The following THADA variants were observed in gnomAD, a reference collection of about 807,000 sequenced individuals.
THADA encodes THADA armadillo repeat containing.
Under a neutral mutation model 219.8 loss-of-function variants are expected in THADA, and 213 were observed. That is an observed-to-expected ratio of 0.97 (90% CI 0.87 to 1.09). The LOEUF (loss-of-function observed/expected upper bound fraction) is 1.09. Ranked by LOEUF, THADA falls within the 50% of genes least tolerant of loss-of-function variation. The pLI is 0.00. For missense variants in THADA, 2,956 were observed against 2,311.3 expected (o/e 1.28, Z -5.72); for synonymous variants, 1,018 against 828.9 (o/e 1.23, Z -3.92).
At chr2:43,442,896 G>A (rs1264369273) in intron 26 of THADA, among the ~76,000 whole-genome samples, 15 of 151,966 alleles carry the variant, frequency 9.9e-5, no homozygotes, top group African/African-American at 1.5e-4. Context: ...TCCACTCTCC[G>A]CCTCTGCTGC....
chr2:43,253,601 G>A (rs896710303), intron 36 of THADA, among the ~76,000 whole-genome samples: 9 of 152,068 alleles, frequency 5.9e-5, no homozygotes, highest in African/African-American at 1.9e-4. Flanking sequence ...TTTTCTTGAT[G>A]GGTCTTCGTT....
Position 43,397,954 on chromosome 2 carries a change from A to G in THADA, c.4227+17T>C. ...TTATGGTGTTTGACAGAAGTCACAC[A>G]AAGCAACTTTACTTACCTGGAGAAG... On this transcript the variant is annotated intron_variant, in intron 29 of 37. Transcript: ENST00000405975. The G allele has an allele frequency of 6.2e-7, 1 of 1,613,526 alleles. No homozygotes were observed. Among genetic ancestry groups the G allele is most frequent in the Non-Finnish European group, 8.5e-7 (1 of 1,179,542 alleles).
chr2:43,551,237 C>T (rs566197337), intron 19 of THADA, among the ~76,000 whole-genome samples: 62 of 152,196 alleles, frequency 4.1e-4, no homozygotes, highest in Non-Finnish European at 6.9e-4. Flanking sequence ...CAACACCAAA[C>T]ATAAATATAT....
intron 23 of THADA, 118 bp downstream of exon 23, chr2:43,508,530 T>A (rs886834123): frequency 3.9e-6 from 4 of 1,014,598 alleles, no homozygotes; most frequent in Non-Finnish European, 4.1e-6. Context: ...GCTATGGTGC[T>A]GAAAAGACAG....
At chr2:43,386,802 C>T (rs1433527572) in intron 29 of THADA, among the ~76,000 whole-genome samples, 1 of 149,520 alleles carries the variant, frequency 6.7e-6, no homozygotes, top group East Asian at 2.0e-4. Flanking sequence ...GAGGCTGAGG[C>T]AGGAGAATTT....
At chr2:43,489,550 T>C (rs1355691435) in intron 25 of THADA, among the ~76,000 whole-genome samples, 1 of 152,158 alleles carries the variant, frequency 6.6e-6, no homozygotes, top group Non-Finnish European at 1.5e-5. Context: ...TTTTGAGTCA[T>C]CTGAATATGG....
intron 29 of THADA, among the ~76,000 whole-genome samples, chr2:43,391,498 T>C (rs974016408): frequency 6.6e-6 from 1 of 152,230 alleles, no homozygotes; most frequent in Non-Finnish European, 1.5e-5. Flanking sequence ...GATTAATTCA[T>C]CTTCAAAAGT....
intron 1 of THADA, chr2:43,595,711 G>A (rs904614828): frequency 6.6e-6 from 1 of 152,372 alleles, no homozygotes. Flanking sequence ...ACATTCTCTG[G>A]GCGATTTCTG....
At chr2:43,258,321 G>A (rs1167638158) in intron 36 of THADA, among the ~76,000 whole-genome samples, 2 of 152,132 alleles carry the variant, frequency 1.3e-5, no homozygotes, top group Non-Finnish European at 2.9e-5. Context: ...TTGGGAGTTT[G>A]AGACCAGCCT....
intron 1 of THADA, among the ~76,000 whole-genome samples, chr2:43,595,344 G>C (rs1028598405): frequency 6.6e-6 from 1 of 152,096 alleles, no homozygotes; most frequent in African/African-American, 2.4e-5. Flanking sequence ...ATTTGTAAAG[G>C]GATAGTCAGA....
intron 26 of THADA, among the ~76,000 whole-genome samples, chr2:43,444,480 G>T (rs550779014): frequency 2.0e-5 from 3 of 152,122 alleles, no homozygotes; most frequent in African/African-American, 7.2e-5. Flanking sequence ...AATGCCAAGG[G>T]TCTAGTTCTT....
At chr2:43,382,167 C>T (rs767979646) in intron 29 of THADA, among the ~76,000 whole-genome samples, 6 of 152,056 alleles carry the variant, frequency 3.9e-5, no homozygotes, top group Non-Finnish European at 5.9e-5. Flanking sequence ...ATGTGGTAAC[C>T]TGGATGGGAT....
chr2:43,589,227 G>A (rs1701303092), intron 4 of THADA, among the ~76,000 whole-genome samples: 1 of 152,084 alleles, frequency 6.6e-6, no homozygotes, highest in Admixed American at 6.5e-5. Context: ...CAACCCAAAT[G>A]TCCATTGAAA....
chr2:43,396,607 C>G (rs999604528), intron 29 of THADA, among the ~76,000 whole-genome samples: 1 of 152,086 alleles, frequency 6.6e-6, no homozygotes, highest in Non-Finnish European at 1.5e-5. Flanking sequence ...TCGAGACCAG[C>G]TTGGCCAACA....
intron 16 of THADA, among the ~76,000 whole-genome samples, chr2:43,557,048 G>A (rs573804919): frequency 6.6e-6 from 1 of 152,162 alleles, no homozygotes; most frequent in Admixed American, 6.6e-5. Flanking sequence ...GCACCACTGT[G>A]CTCCAGCCTA....
At chr2:43,430,387 A>AG (rs1281755671) in intron 26 of THADA, 85 bp from the exon 27 acceptor site, 2 of 696,124 alleles carry the variant, frequency 2.9e-6, no homozygotes, top group African/African-American at 1.8e-5. Context: ...AAGGAAGATA[A>AG]GTACGGTTGT....
rs180696750 is a variant in THADA, at chr2:43,326,060, A to G, written c.4344-5520T>C. Among the ~76,000 whole-genome samples the G allele has an allele frequency of 2.0e-5, 3 of 152,256 alleles. No individual in the cohort carries two copies. In the East Asian group the frequency reaches 5.8e-4, roughly 29 times the overall value. ...GCAATTTATATCTTACGCAGCTACT[A>G]AAATTTCCGACTGTGCATGATTTCA... On this transcript the variant is annotated intron_variant, in intron 30 of 37. Coordinates refer to ENST00000405975, the MANE Select transcript of THADA (RefSeq NM_022065.5).
intron 29 of THADA, among the ~76,000 whole-genome samples, chr2:43,362,708 A>G (rs1374422542): frequency 6.6e-6 from 1 of 152,150 alleles, no homozygotes; most frequent in Non-Finnish European, 1.5e-5. Context: ...TTCTTCAATA[A>G]TACATTAACC....
intron 20 of THADA, among the ~76,000 whole-genome samples, chr2:43,543,661 C>A (rs1018663737): frequency 6.6e-6 from 1 of 152,216 alleles, no homozygotes; most frequent in African/African-American, 2.4e-5. Context: ...TTTCTGGCTG[C>A]ATAAATGTCT....
Sources: allele counts gnomAD v4.1 joint callset (sites outside exome capture counted in the v4.1 genomes callset), GRCh38; gene constraint gnomAD v4.1.1; transcripts MANE v1.5; gene names NCBI Gene and HGNC (gene_info 2026-07-23, HGNC 2026-07-21).